The following GANC variants were observed in gnomAD, a reference collection of about 807,000 sequenced individuals.
GANC encodes glucosidase alpha, neutral C.
A neutral mutation model predicts 124.2 loss-of-function variants in GANC; 117 were observed. The ratio of observed to expected loss-of-function variants is 0.94; its 90% confidence interval spans 0.81 to 1.10. The LOEUF (loss-of-function observed/expected upper bound fraction) is 1.10. Among genes scored for constraint, GANC ranks in the 50% least tolerant of loss-of-function variants. The probability of loss-of-function intolerance (pLI) is 0.00; values close to 1 mark genes in which losing one functional copy is unlikely to be tolerated. For missense variants in GANC, 1,140 were observed against 1,095.0 expected, an observed-to-expected ratio of 1.04 and a Z score of -0.58; for synonymous variants, 377 against 376.8, an observed-to-expected ratio of 1.00 and a Z score of -0.01.
intron 1 of GANC, among the ~76,000 whole-genome samples, chr15:42,275,433 A>G (rs751620823): frequency 1.7e-4 from 26 of 152,198 alleles, no homozygotes; most frequent in Admixed American, 4.6e-4. Flanking sequence ...AGTGAAGGAC[A>G]AACAGTTTTT....
chr15:42,321,433 G>A (rs1197271208), intron 10 of GANC, among the ~76,000 whole-genome samples: 2 of 152,048 alleles, frequency 1.3e-5, no homozygotes, highest in African/African-American at 4.8e-5. Flanking sequence ...CTTCCTGTCT[G>A]GTATATTCCC....
chr15:42,343,285 A>G (rs764304051), intron 19 of GANC, 131 bp downstream of exon 19: 37 of 745,294 alleles, frequency 5.0e-5, no homozygotes, highest in Non-Finnish European at 7.8e-5. Flanking sequence ...AATTATTATA[A>G]TAAGTCATGA....
chr15:42,295,918 G>A (rs1386065774), intron 5 of GANC, among the ~76,000 whole-genome samples: 1 of 152,130 alleles, frequency 6.6e-6, no homozygotes, highest in East Asian at 1.9e-4. Flanking sequence ...GAGGCAGGCA[G>A]ATCATCTGAG....
chr15:42,288,305 T>G (rs975964784), intron 4 of GANC, among the ~76,000 whole-genome samples: 1 of 152,312 alleles, frequency 6.6e-6, no homozygotes, highest in Non-Finnish European at 1.5e-5. Context: ...GTAATTTTAC[T>G]TAGTGTCAAG....
rs528799737 is a variant in GANC, at chr15:42,287,714, T to C, written c.225T>C (p.Tyr75=). ...AGGTTCCTCTCCTGGCTGAAATTTATGGTATAGAAGGAAACATTTTCAGGC... is the reference window on the plus strand; with the variant it reads ...AGGTTCCTCTCCTGGCTGAAATTTACGGTATAGAAGGAAACATTTTCAGGC... The part of the protein sequence containing the change: ...ASKVPLLAEI[Y]GIEGNIFRLK... The change falls in exon 4 of 24, where the codon TAT becomes TAC. Residue 75 remains tyrosine, a synonymous_variant. Coordinates refer to ENST00000318010, the MANE Select transcript of GANC (RefSeq NM_198141.3). The C allele has an allele frequency of 1.4e-4, 223 of 1,611,750 alleles. No homozygotes were observed. Among genetic ancestry groups the C allele is most frequent in the Non-Finnish European group, 1.8e-4 (209 of 1,179,136 alleles).
intron 15 of GANC, among the ~76,000 whole-genome samples, chr15:42,332,260 G>A (rs576437251): frequency 4.6e-5 from 7 of 152,160 alleles, no homozygotes; most frequent in African/African-American, 1.4e-4. Context: ...GTGATTTTGA[G>A]TGATTTTCAT....
chr15:42,283,555 G>A, intron 3 of GANC: 1 of 671,754 alleles, frequency 1.5e-6, no homozygotes. Flanking sequence ...TGCTAATTAT[G>A]ATGCTTTCTC....
chr15:42,293,507 T>A (rs1300452298), intron 5 of GANC, among the ~76,000 whole-genome samples: 1 of 152,244 alleles, frequency 6.6e-6, no homozygotes, highest in Admixed American at 6.5e-5. Context: ...CATAGTCATT[T>A]TTCTGAGTTT....
chr15:42,276,005 GC>G (rs2051667619), intron 1 of GANC, among the ~76,000 whole-genome samples: 1 of 152,138 alleles, frequency 6.6e-6, no homozygotes, highest in East Asian at 1.9e-4. Context: ...GTTTTGGGAT[GC>G]TGTTTTGGTT....
chr15:42,312,640 T>A (rs1199035570), intron 10 of GANC, among the ~76,000 whole-genome samples: 1 of 152,276 alleles, frequency 6.6e-6, no homozygotes, highest in East Asian at 1.9e-4. Context: ...GCTATGGCAA[T>A]CAAAAGAACA....
At chr15:42,326,168 G>T (rs2052196807) in intron 11 of GANC, 130 bp from the exon 12 acceptor site, 15 of 662,630 alleles carry the variant, frequency 2.3e-5, no homozygotes, top group Non-Finnish European at 2.4e-5. Flanking sequence ...TTGTTTTTTT[G>T]TCTGAAATAT....
In GANC at chr15:42,313,962, A is replaced by AACAACAACAACC; in HGVS notation, c.1057+3116_1057+3117insACAACAACAACC. 4 of 646,198 alleles carry AACAACAACAACC rather than the reference A, an allele frequency of 6.2e-6. No homozygotes were observed. The South Asian group carries it at 7.1e-5, about 11-fold the overall frequency. The allele number at this position is 646,198 out of a possible 1,614,324, so 40.0% of individuals were successfully genotyped here. A position where few individuals can be genotyped will look rare whatever the true frequency, so the allele number is the denominator to read the frequency against. On this transcript the variant is annotated intron_variant, in intron 10 of 23. Transcript: ENST00000318010. ...GCGAGACCCTATCTCTAAAAACAAC[A>AACAACAACAACC]GCAACAACAACAACAAAATTAATGT...
Position 42,273,746 on chromosome 15 carries a change from T to G in GANC, c.-736T>G, listed in dbSNP as rs1033878136. 2.8e-5 allele frequency: 8 copies of G among 281,152 alleles called. No homozygotes were observed. Among genetic ancestry groups the G allele is most frequent in the Non-Finnish European group, 4.9e-5 (7 of 142,420 alleles). The allele number at this position is 281,152 out of a possible 1,614,324, so 17.4% of individuals were successfully genotyped here. On this transcript the variant is annotated 5_prime_UTR_variant, in exon 1 of 24. Coordinates refer to ENST00000318010, the MANE Select transcript of GANC (RefSeq NM_198141.3). ...CTCTACTTCCGCTCGCCCCAGCCCTTCATCCCTTCTAAGTCAATGTCAGAC... is the reference window on the plus strand; with the variant it reads ...CTCTACTTCCGCTCGCCCCAGCCCTGCATCCCTTCTAAGTCAATGTCAGAC...
At chr15:42,307,763 G>A (rs2052012367) in intron 7 of GANC, among the ~76,000 whole-genome samples, 1 of 152,174 alleles carries the variant, frequency 6.6e-6, no homozygotes, top group Non-Finnish European at 1.5e-5. Flanking sequence ...TGCATTCCCT[G>A]TAGGTAGTCA....
chr15:42,285,395 TAAAA>T (rs1370904072), intron 3 of GANC, among the ~76,000 whole-genome samples: 1 of 151,790 alleles, frequency 6.6e-6, no homozygotes, highest in African/African-American at 2.4e-5. Context: ...TGCTGATATT[TAAAA>T]GAAAGAAAGA....
rs1344546649 is a variant in GANC, at chr15:42,273,967, A to C, written c.-515A>C. 3 of 219,350 alleles carry C rather than the reference A, an allele frequency of 1.4e-5. No homozygotes were observed. The highest frequency in any genetic ancestry group is 1.8e-5 in the Non-Finnish European group (2 of 109,922). 13.6% of individuals were successfully genotyped at this position (219,350 alleles called of 1,614,324 possible). On this transcript the variant is annotated 5_prime_UTR_variant, in exon 1 of 24. Coordinates refer to ENST00000318010, the MANE Select transcript of GANC (RefSeq NM_198141.3). Reference sequence around the variant, plus strand: ...CCTGAAGAGTACGATGCTGCAGTACAATCTGGCTGGAGACCTAGCCTCCAG... The same window carrying C: ...CCTGAAGAGTACGATGCTGCAGTACCATCTGGCTGGAGACCTAGCCTCCAG...
intron 3 of GANC, among the ~76,000 whole-genome samples, chr15:42,282,975 C>G (rs2051748872): frequency 6.6e-6 from 1 of 152,156 alleles, no homozygotes; most frequent in Non-Finnish European, 1.5e-5. Flanking sequence ...GGGCACTAAT[C>G]CATTCCTGAG....
rs536989983 is a variant in GANC, at chr15:42,327,341, A to C, written c.1421-22A>C. 4.4e-6 allele frequency: 7 copies of C among 1,579,612 alleles called. No homozygotes were observed. The South Asian group carries it at 4.5e-5, about 10-fold the overall frequency. On this transcript the variant is annotated intron_variant, in intron 12 of 23. Transcript: ENST00000318010. ...TGAGGACCACTGTTCTTGACAGGCT[A>C]TCTACTGTTCTGCCTCCACAGGTCT...
intron 5 of GANC, among the ~76,000 whole-genome samples, chr15:42,296,657 T>C (rs1291512945): frequency 6.6e-6 from 1 of 152,156 alleles, no homozygotes; most frequent in East Asian, 1.9e-4. Context: ...CCTCCCAAAG[T>C]GCCCATATTA....
Sources: allele counts gnomAD v4.1 joint callset (sites outside exome capture counted in the v4.1 genomes callset), GRCh38; gene constraint gnomAD v4.1.1; transcripts MANE v1.5; gene names NCBI Gene and HGNC (gene_info 2026-07-23, HGNC 2026-07-21).